Variants in ZNF385D observed in about 807,000 individuals in gnomAD.
The protein encoded by ZNF385D is zinc finger protein 659.
A neutral mutation model predicts 35.8 loss-of-function variants in ZNF385D; 15 were observed. That is an observed-to-expected ratio of 0.42 (90% CI 0.28 to 0.64). The LOEUF (loss-of-function observed/expected upper bound fraction) is 0.64. Among genes scored for constraint, ZNF385D ranks in the 30% least tolerant of loss-of-function variants. The pLI is 0.23. For synonymous variants in ZNF385D, 212 were observed against 186.8 expected (o/e 1.13, Z -1.10); for missense variants, 474 against 494.6 (o/e 0.96, Z 0.39).
chr3:21,531,429 T>C (rs571251517), intron 3 of ZNF385D, among the ~76,000 whole-genome samples: 2 of 152,166 alleles, frequency 1.3e-5, no homozygotes, highest in Non-Finnish European at 2.9e-5. Context: ...AGGTACAAAC[T>C]TATGTCCAAG....
chr3:21,747,752 T>C (rs2069848555), intron 1 of ZNF385D, among the ~76,000 whole-genome samples: 1 of 152,198 alleles, frequency 6.6e-6, no homozygotes, highest in Non-Finnish European at 1.5e-5. Flanking sequence ...AAACTGTAAC[T>C]GGGCAGCTCA....
intron 3 of ZNF385D, among the ~76,000 whole-genome samples, chr3:21,811,706 T>G (rs1179467723): frequency 6.6e-6 from 1 of 152,154 alleles, no homozygotes; most frequent in African/African-American, 2.4e-5. Context: ...AATCAAACAC[T>G]TGATGAGGAA....
intron 3 of ZNF385D, among the ~76,000 whole-genome samples, chr3:22,063,793 G>A (rs929779747): frequency 6.6e-6 from 1 of 152,122 alleles, no homozygotes; most frequent in African/African-American, 2.4e-5. Context: ...TGGTTCATGT[G>A]GAGCTATGTG....
chr3:22,125,538 T>C (rs1703376200), intron 3 of ZNF385D, among the ~76,000 whole-genome samples: 1 of 152,134 alleles, frequency 6.6e-6, no homozygotes, highest in African/African-American at 2.4e-5. Context: ...TTTTTCCAAT[T>C]CATGAACATT....
At chr3:21,990,072 G>A (rs1241393014) in intron 3 of ZNF385D, among the ~76,000 whole-genome samples, 2 of 152,134 alleles carry the variant, frequency 1.3e-5, no homozygotes, top group African/African-American at 4.8e-5. Context: ...CCAAATGCAA[G>A]ATTCTGCTAT....
At chr3:21,874,699 A>G (rs1697872594) in intron 3 of ZNF385D, among the ~76,000 whole-genome samples, 1 of 152,038 alleles carries the variant, frequency 6.6e-6, no homozygotes, top group South Asian at 2.1e-4. Flanking sequence ...CTTTTTCAAG[A>G]TATTTTATGG....
intron 3 of ZNF385D, among the ~76,000 whole-genome samples, chr3:21,824,735 GA>G (rs941575727): frequency 6.6e-6 from 1 of 151,638 alleles, no homozygotes; most frequent in African/African-American, 2.4e-5. Context: ...GTTCCAGTAT[GA>G]AAAAAAATTA....
chr3:22,005,840 A>G (rs1696166450), intron 3 of ZNF385D, among the ~76,000 whole-genome samples: 1 of 152,086 alleles, frequency 6.6e-6, no homozygotes, highest in Non-Finnish European at 1.5e-5. Context: ...ATTTGTAGAA[A>G]TGTGAATGAG....
intron 3 of ZNF385D, among the ~76,000 whole-genome samples, chr3:22,090,242 G>A (rs1266871731): frequency 6.6e-6 from 1 of 152,120 alleles, no homozygotes; most frequent in Non-Finnish European, 1.5e-5. Context: ...TGACATTTGG[G>A]GAATATTTTG....
chr3:21,608,012 CTTTTTTTTTTGTTTTTT>C (rs2064539428), intron 2 of ZNF385D, among the ~76,000 whole-genome samples: 1 of 123,958 alleles, frequency 8.1e-6, no homozygotes, highest in African/African-American at 3.1e-5. Flanking sequence ...TCTTTTTCTT[CTTTTTTTTTTGTTTTTT>C]TTTTTTGAGT....
At chr3:21,834,347 G>T (rs1334095208) in intron 3 of ZNF385D, among the ~76,000 whole-genome samples, 1 of 152,118 alleles carries the variant, frequency 6.6e-6, no homozygotes, top group Non-Finnish European at 1.5e-5. Context: ...ATAGACATGT[G>T]CCACAATTTG....
intron 2 of ZNF385D, among the ~76,000 whole-genome samples, chr3:21,590,072 G>A (rs2063925317): frequency 6.6e-6 from 1 of 152,094 alleles, no homozygotes; most frequent in South Asian, 2.1e-4. Context: ...AGAAGTCTTT[G>A]TAACAGCAAA....
rs576323417 is a variant in ZNF385D, at chr3:22,241,992, G to A, written c.107-72957C>T. On this transcript the variant is annotated intron_variant, in intron 2 of 5. Coordinates refer to the ZNF385D transcript ENST00000494108. ...TCGCAAGAACAAAAAACCAAAGACC[G>A]CATATTCTCACTCATAGGTGGGAAT... Among the ~76,000 whole-genome samples the A allele has an allele frequency of 1.0e-4, 15 of 149,204 alleles. 1 individual carries two copies. The South Asian group carries it at 1.1e-3, about 11-fold the overall frequency.
At chr3:21,733,947 G>C (rs1246144473) in intron 1 of ZNF385D, among the ~76,000 whole-genome samples, 1 of 151,906 alleles carries the variant, frequency 6.6e-6, no homozygotes, top group Admixed American at 6.5e-5. Context: ...TTTCATATTT[G>C]TCTATTATTC....
At chr3:21,733,229 T>C (rs1396429026) in intron 1 of ZNF385D, among the ~76,000 whole-genome samples, 1 of 152,220 alleles carries the variant, frequency 6.6e-6, no homozygotes, top group African/African-American at 2.4e-5. Context: ...CTTTCTCTTC[T>C]GTTCTATTGA....
At chr3:22,191,955 T>C (rs1311776033) in intron 2 of ZNF385D, among the ~76,000 whole-genome samples, 2 of 152,188 alleles carry the variant, frequency 1.3e-5, no homozygotes, top group Admixed American at 6.6e-5. Context: ...CAAAGCATGA[T>C]TCCTCTTAAC....
intron 3 of ZNF385D, among the ~76,000 whole-genome samples, chr3:21,940,804 G>A (rs1353714020): frequency 6.6e-6 from 1 of 152,138 alleles, no homozygotes; most frequent in African/African-American, 2.4e-5. Flanking sequence ...GAAAATATAT[G>A]TAAAAATATG....
intron 3 of ZNF385D, among the ~76,000 whole-genome samples, chr3:21,810,214 A>G (rs1256063151): frequency 6.6e-6 from 1 of 152,216 alleles, no homozygotes; most frequent in Non-Finnish European, 1.5e-5. Flanking sequence ...GGTTTCTTCT[A>G]GGAATTCAAG....
intron 2 of ZNF385D, among the ~76,000 whole-genome samples, chr3:22,218,231 G>C (rs1219987450): frequency 6.6e-6 from 1 of 151,804 alleles, no homozygotes; most frequent in East Asian, 1.9e-4. Flanking sequence ...ATTTTATTTA[G>C]CATCTCTTAA....
Sources: gnomAD v4.1 joint callset for allele counts (sites outside exome capture counted in the v4.1 genomes callset) on GRCh38, gnomAD v4.1.1 for gene constraint, MANE v1.5 for transcripts, NCBI Gene and HGNC (gene_info 2026-07-23, HGNC 2026-07-21) for gene names.